Variants in CSMD1 observed in about 807,000 individuals in gnomAD.
The protein encoded by CSMD1 is CUB and sushi domain-containing protein 1.
A neutral mutation model predicts 417.5 loss-of-function variants in CSMD1; 213 were observed. That is an observed-to-expected ratio of 0.51 (90% confidence interval 0.46 to 0.57). The LOEUF (loss-of-function observed/expected upper bound fraction) is 0.57, where lower values mean the gene tolerates loss of function less well. Ranked by LOEUF, CSMD1 falls within the 20% of genes least tolerant of loss-of-function variation. The pLI, the probability that CSMD1 is intolerant of heterozygous loss-of-function variation, is 0.00. For missense variants in CSMD1, 6,923 were observed against 4,529.7 expected (o/e 1.53, Z -15.17); for synonymous variants, 2,862 against 1,736.8 (o/e 1.65, Z -16.11).
chr8:3,927,525 C>A (rs1244020357), intron 5 of CSMD1, among the ~76,000 whole-genome samples: 1 of 150,004 alleles, frequency 6.7e-6, no homozygotes, highest in South Asian at 2.1e-4. Context: ...ATTAGCCAGC[C>A]GTGGTGGTGC....
At chr8:4,169,410 T>C (rs1029727453) in intron 3 of CSMD1, among the ~76,000 whole-genome samples, 6 of 152,296 alleles carry the variant, frequency 3.9e-5, no homozygotes, top group African/African-American at 1.2e-4. Flanking sequence ...TAAATACTCG[T>C]CTTTTTCTCA....
rs1230239377 is a variant in CSMD1 at position 4,658,197 on chromosome 8, C to A, written c.86-20639G>T. 2.0e-5 allele frequency among the ~76,000 whole-genome samples: 3 copies of A among 151,698 alleles called. No individual in the cohort carries two copies. The East Asian group carries it at 5.8e-4, about 29-fold the overall frequency. On this transcript the variant is annotated intron_variant, in intron 1 of 69. Transcript: ENST00000635120. ...GCAGAAATAATGTTTGAATAAATGA[C>A]TGCAAATTTCCAAAATTTACTAATC...
chr8:3,530,695 T>A (rs1185781020), intron 10 of CSMD1, among the ~76,000 whole-genome samples: 1 of 152,134 alleles, frequency 6.6e-6, no homozygotes, highest in East Asian at 1.9e-4. Context: ...CACAGCCAGC[T>A]AATTTTTGTA....
At chr8:3,334,602 G>A (rs552670586) in intron 23 of CSMD1, among the ~76,000 whole-genome samples, 6 of 152,296 alleles carry the variant, frequency 3.9e-5, no homozygotes, top group African/African-American at 9.6e-5. Flanking sequence ...CACAGGCTAC[G>A]TTGTAATGTC....
At chr8:3,117,182 C>G (rs1227966996) in intron 42 of CSMD1, among the ~76,000 whole-genome samples, 1 of 152,034 alleles carries the variant, frequency 6.6e-6, no homozygotes, top group Non-Finnish European at 1.5e-5. Flanking sequence ...GCCATTCTCC[C>G]ACCTCAGCCT....
At chr8:4,670,283 C>T (rs1184271762) in intron 1 of CSMD1, among the ~76,000 whole-genome samples, 1 of 152,104 alleles carries the variant, frequency 6.6e-6, no homozygotes, top group African/African-American at 2.4e-5. Context: ...TCTCATTTGC[C>T]TCTTTTGATG....
intron 3 of CSMD1, among the ~76,000 whole-genome samples, chr8:4,116,149 G>A (rs370585848): frequency 2.6e-4 from 39 of 151,860 alleles, no homozygotes; most frequent in East Asian, 1.2e-3. Flanking sequence ...GCGTACCACC[G>A]CACCCAGCTA....
chr8:4,094,618 G>A (rs147301550), intron 3 of CSMD1, among the ~76,000 whole-genome samples: 2 of 151,724 alleles, frequency 1.3e-5, no homozygotes, highest in Admixed American at 6.6e-5. Flanking sequence ...GAGGAGAGGC[G>A]TGTGTCACAC....
intron 2 of CSMD1, among the ~76,000 whole-genome samples, chr8:4,500,139 G>A (rs967107516): frequency 6.6e-6 from 1 of 152,016 alleles, no homozygotes; most frequent in Non-Finnish European, 1.5e-5. Context: ...CTGAAGAGGA[G>A]AAGTTATACG....
At chr8:4,050,246 A>G (rs145236736) in intron 3 of CSMD1, among the ~76,000 whole-genome samples, 20 of 152,142 alleles carry the variant, frequency 1.3e-4, no homozygotes, top group African/African-American at 4.8e-4. Flanking sequence ...AAACTTCTGT[A>G]TTTTTACTTC....
intron 1 of CSMD1, among the ~76,000 whole-genome samples, chr8:4,798,505 T>C (rs909847783): frequency 6.6e-6 from 1 of 152,224 alleles, no homozygotes; most frequent in African/African-American, 2.4e-5. Context: ...AATTGCTTAC[T>C]CTGATATGTG....
At chr8:4,566,926 A>G (rs1178167798) in intron 2 of CSMD1, among the ~76,000 whole-genome samples, 3 of 152,246 alleles carry the variant, frequency 2.0e-5, no homozygotes, top group Non-Finnish European at 4.4e-5. Flanking sequence ...GGAATGAACT[A>G]AAACTTTAAA....
chr8:4,445,876 G>C (rs17070316), intron 2 of CSMD1, among the ~76,000 whole-genome samples: 3 of 152,272 alleles, frequency 2.0e-5, no homozygotes, highest in African/African-American at 7.2e-5. Context: ...CGCTGGAGAA[G>C]GGCACAAGAG....
intron 41 of CSMD1, among the ~76,000 whole-genome samples, chr8:3,119,152 C>A (rs1225836951): frequency 2.6e-5 from 4 of 151,900 alleles, no homozygotes; most frequent in African/African-American, 7.3e-5. Context: ...TGCGCTCCAG[C>A]CCGGGCGACA....
At chr8:4,960,029 A>G (rs1809376105) in intron 1 of CSMD1, among the ~76,000 whole-genome samples, 1 of 152,214 alleles carries the variant, frequency 6.6e-6, no homozygotes, top group Non-Finnish European at 1.5e-5. Context: ...AACAAGGCAT[A>G]TGTAGCCTTC....
chr8:4,529,986 C>G (rs1397540726), intron 2 of CSMD1, among the ~76,000 whole-genome samples: 1 of 152,110 alleles, frequency 6.6e-6, no homozygotes, highest in Non-Finnish European at 1.5e-5. Context: ...GAGATCCCGG[C>G]TCACTGCAAG....
chr8:4,911,259 C>T (rs1481702569), intron 1 of CSMD1, among the ~76,000 whole-genome samples: 3 of 152,190 alleles, frequency 2.0e-5, no homozygotes, highest in African/African-American at 7.2e-5. Flanking sequence ...CTTTGTCCAC[C>T]AGTCGTAATT....
intron 3 of CSMD1, among the ~76,000 whole-genome samples, chr8:4,086,853 G>A (rs905194639): frequency 1.3e-5 from 2 of 152,162 alleles, no homozygotes; most frequent in South Asian, 2.1e-4. Context: ...ATTTCATCAC[G>A]TTTCTGGTAG....
chr8:3,333,611 T>C (rs781203005), intron 23 of CSMD1, among the ~76,000 whole-genome samples: 34 of 152,364 alleles, frequency 2.2e-4, no homozygotes, highest in Non-Finnish European at 1.5e-5. Context: ...GCCATAATCT[T>C]AATCTTTATT....
Sources: allele counts gnomAD v4.1 joint callset (sites outside exome capture counted in the v4.1 genomes callset), GRCh38; gene constraint gnomAD v4.1.1; transcripts MANE v1.5; gene names NCBI Gene and HGNC (gene_info 2026-07-23, HGNC 2026-07-21).